RALYL: variants seen among roughly 807,000 people sequenced by gnomAD.
RALYL encodes the protein RNA-binding Raly-like protein.
In RALYL, 29 loss-of-function variants were observed where a neutral mutation model predicts 35.1. That is an observed-to-expected ratio of 0.83 (90% CI 0.61 to 1.13). The LOEUF (loss-of-function observed/expected upper bound fraction) is 1.13, where lower values mean the gene tolerates loss of function less well. Among genes scored for constraint, RALYL ranks in the 50% most tolerant of loss-of-function variants. The pLI is 0.00. For missense variants in RALYL, 359 were observed against 360.4 expected, an observed-to-expected ratio of 1.00 and a Z score of 0.03; for synonymous variants, 120 against 127.6, an observed-to-expected ratio of 0.94 and a Z score of 0.40.
At chr8:84,683,969 T>A (rs1351197761) in intron 2 of RALYL, among the ~76,000 whole-genome samples, 1 of 152,058 alleles carries the variant, frequency 6.6e-6, no homozygotes, top group Admixed American at 6.6e-5. Flanking sequence ...CCCAAAGTGG[T>A]GGGATTACAG....
intron 2 of RALYL, among the ~76,000 whole-genome samples, chr8:84,699,543 G>A (rs765113408): frequency 1.3e-5 from 2 of 152,056 alleles, no homozygotes; most frequent in African/African-American, 2.4e-5. Context: ...GGTGGAAGAG[G>A]CAAGGGATCT....
chr8:84,379,480 A>T (rs1857526142), intron 1 of RALYL, among the ~76,000 whole-genome samples: 1 of 151,906 alleles, frequency 6.6e-6, no homozygotes, highest in Admixed American at 6.6e-5. Context: ...ATGCTTGGAG[A>T]TATTTTTGAT....
At chr8:84,545,246 C>T (rs1018388749) in intron 2 of RALYL, among the ~76,000 whole-genome samples, 1 of 152,038 alleles carries the variant, frequency 6.6e-6, no homozygotes, top group Non-Finnish European at 1.5e-5. Context: ...CCGTAAGCAA[C>T]CAGTTCTATT....
intron 2 of RALYL, among the ~76,000 whole-genome samples, chr8:84,643,361 C>A (rs1053758008): frequency 6.6e-6 from 1 of 152,054 alleles, no homozygotes; most frequent in Non-Finnish European, 1.5e-5. Flanking sequence ...TGAGTGCATT[C>A]CAACTAACTC....
chr8:84,404,848 G>A, intron 1 of RALYL, among the ~76,000 whole-genome samples: 1 of 151,980 alleles, frequency 6.6e-6, no homozygotes, highest in East Asian at 1.9e-4. Flanking sequence ...TTCAATTTCA[G>A]AACTTGTTAT....
chr8:84,417,004 T>C (rs569209433), intron 1 of RALYL, among the ~76,000 whole-genome samples: 1 of 152,256 alleles, frequency 6.6e-6, no homozygotes, highest in South Asian at 2.1e-4. Context: ...TCCTTCCTTT[T>C]CTTGTTACTT....
chr8:84,551,778 G>A (rs941425468), intron 2 of RALYL, among the ~76,000 whole-genome samples: 27 of 152,114 alleles, frequency 1.8e-4, no homozygotes, highest in African/African-American at 6.3e-4. Flanking sequence ...TCCTAGGCTG[G>A]TGCATGGTGC....
At chr8:84,569,804 T>C (rs768135722) in intron 2 of RALYL, among the ~76,000 whole-genome samples, 1 of 151,910 alleles carries the variant, frequency 6.6e-6, no homozygotes, top group Non-Finnish European at 1.5e-5. Flanking sequence ...TATTTGCATA[T>C]GGCTAGCCAA....
At chr8:84,385,876 A>C (rs892904079) in intron 1 of RALYL, among the ~76,000 whole-genome samples, 2 of 151,790 alleles carry the variant, frequency 1.3e-5, no homozygotes, top group Admixed American at 1.3e-4. Flanking sequence ...ACCATGCTTC[A>C]TCTCCAGGAT....
chr8:84,418,548 C>T (rs1400211968), intron 1 of RALYL, among the ~76,000 whole-genome samples: 10 of 152,016 alleles, frequency 6.6e-5, no homozygotes, highest in Non-Finnish European at 2.9e-5. Context: ...TTATTTAAGA[C>T]ATGAACAACA....
At chr8:84,300,675 G>A (rs1029833763) in intron 1 of RALYL, among the ~76,000 whole-genome samples, 16 of 152,104 alleles carry the variant, frequency 1.1e-4, no homozygotes, top group Middle Eastern at 6.8e-3. Flanking sequence ...TTACCATTAT[G>A]TAATGCCTTT....
At chr8:84,576,972 C>G (rs1042117495) in intron 2 of RALYL, among the ~76,000 whole-genome samples, 38 of 152,198 alleles carry the variant, frequency 2.5e-4, no homozygotes, top group African/African-American at 9.2e-4. Context: ...GCCTATCTCT[C>G]TCATTGTAAT....
intron 2 of RALYL, among the ~76,000 whole-genome samples, chr8:84,742,401 A>C (rs77068197): frequency 1.2e-4 from 18 of 152,216 alleles, no homozygotes; most frequent in African/African-American, 4.3e-4. Context: ...TAAACACTAC[A>C]TGAAAATACT....
chr8:84,241,956 A>G (rs953535326), intron 1 of RALYL, among the ~76,000 whole-genome samples: 1 of 152,034 alleles, frequency 6.6e-6, no homozygotes, highest in African/African-American at 2.4e-5. Flanking sequence ...TCACCTAGAC[A>G]TTAAGCCCAG....
At chr8:84,499,095 T>C (rs1348005346) in intron 1 of RALYL, among the ~76,000 whole-genome samples, 2 of 151,688 alleles carry the variant, frequency 1.3e-5, no homozygotes, top group Non-Finnish European at 2.9e-5. Context: ...TGTTTTCTTT[T>C]TTTTTTTTTT....
chr8:84,774,968 G>T (rs1054764209), intron 3 of RALYL, among the ~76,000 whole-genome samples: 1 of 151,938 alleles, frequency 6.6e-6, no homozygotes, highest in Admixed American at 6.6e-5. Flanking sequence ...TTTATTTTTT[G>T]AGATGGAGTC....
At chr8:84,501,311 C>T (rs2056633508) in intron 1 of RALYL, among the ~76,000 whole-genome samples, 1 of 152,014 alleles carries the variant, frequency 6.6e-6, no homozygotes, top group Non-Finnish European at 1.5e-5. Flanking sequence ...GTATTGTTTG[C>T]CCTTCAAATG....
chr8:84,603,567 G>A (rs1389486578), intron 2 of RALYL, among the ~76,000 whole-genome samples: 2 of 152,036 alleles, frequency 1.3e-5, no homozygotes, highest in African/African-American at 4.8e-5. Flanking sequence ...ACACCGTGAG[G>A]CTTACCTCCT....
chr8:84,920,567 GA>G (rs1479785845), intron 8 of RALYL, among the ~76,000 whole-genome samples: 1 of 151,892 alleles, frequency 6.6e-6, no homozygotes, highest in African/African-American at 2.4e-5. Flanking sequence ...ACGAGTAATT[GA>G]AATCTCTTTC....
Sources: gnomAD v4.1 joint callset for allele counts (sites outside exome capture counted in the v4.1 genomes callset) on GRCh38, gnomAD v4.1.1 for gene constraint, MANE v1.5 for transcripts, NCBI Gene and HGNC (gene_info 2026-07-23, HGNC 2026-07-21) for gene names.